GSG1L: variants seen among roughly 807,000 people sequenced by gnomAD.
The protein encoded by GSG1L is germ cell-specific gene 1-like protein.
Under a neutral mutation model 42.1 loss-of-function variants are expected in GSG1L, and 24 were observed. The observed-to-expected ratio is 0.57, with a 90% confidence interval of 0.41 to 0.80. The LOEUF (loss-of-function observed/expected upper bound fraction) is 0.80, where lower values mean the gene tolerates loss of function less well. Ranked by LOEUF, GSG1L falls within the 30% of genes least tolerant of loss-of-function variation. The pLI is 0.00. For missense variants in GSG1L, 445 were observed against 472.2 expected (o/e 0.94, Z 0.53); for synonymous variants, 215 against 203.5 (o/e 1.06, Z -0.48).
intron 3 of GSG1L, among the ~76,000 whole-genome samples, chr16:27,849,219 A>G (rs2083479956): frequency 1.4e-5 from 2 of 141,090 alleles, no homozygotes; most frequent in South Asian, 4.5e-4. Flanking sequence ...AAAAAAAAAA[A>G]AAAAGAGAAA....
intron 1 of GSG1L, among the ~76,000 whole-genome samples, chr16:28,030,756 A>AATGGG (rs111808934): frequency 0.12 from 11,867 of 95,764 alleles, 1,513 homozygotes; most frequent in African/African-American, 0.22. Context: ...GTTAGGATGG[A>AATGGG]ATGGGATGGG....
At chr16:27,934,158 G>C (rs1039164516) in intron 2 of GSG1L, among the ~76,000 whole-genome samples, 1 of 152,180 alleles carries the variant, frequency 6.6e-6, no homozygotes, top group Admixed American at 6.5e-5. Context: ...GCCACTCCCC[G>C]CCAACACTAC....
chr16:27,898,763 C>T (rs936502714), intron 2 of GSG1L, among the ~76,000 whole-genome samples: 35 of 151,594 alleles, frequency 2.3e-4, no homozygotes, highest in Non-Finnish European at 4.6e-4. Flanking sequence ...TCTCTTGGTA[C>T]ATGTGATATT....
At chr16:27,867,797 GC>G (rs142103199) in intron 3 of GSG1L, among the ~76,000 whole-genome samples, 15,144 of 140,388 alleles carry the variant, frequency 0.11, 771 homozygotes, top group African/African-American at 0.16. Context: ...CTGAGGCCAC[GC>G]CCCCTGAGGC....
At chr16:27,953,152 T>C (rs1343559809) in intron 2 of GSG1L, among the ~76,000 whole-genome samples, 2 of 152,220 alleles carry the variant, frequency 1.3e-5, no homozygotes, top group Non-Finnish European at 2.9e-5. Context: ...GATTGCAGCA[T>C]GATTACAGCT....
At chr16:27,966,596 C>A (rs1284681783) in intron 1 of GSG1L, among the ~76,000 whole-genome samples, 1 of 152,110 alleles carries the variant, frequency 6.6e-6, no homozygotes, top group Admixed American at 6.5e-5. Context: ...GCCACTGAAA[C>A]CTTATGTCTA....
intron 1 of GSG1L, among the ~76,000 whole-genome samples, chr16:27,990,296 CA>C (rs1465813135): frequency 6.6e-6 from 1 of 152,094 alleles, no homozygotes; most frequent in African/African-American, 2.4e-5. Context: ...AAAATGGAGA[CA>C]TTTACATTTC....
intron 1 of GSG1L, among the ~76,000 whole-genome samples, chr16:28,010,241 G>C (rs1233909744): frequency 6.6e-6 from 1 of 152,132 alleles, no homozygotes; most frequent in Non-Finnish European, 1.5e-5. Context: ...CTTTGAGAGG[G>C]ATTTGTCTCT....
chr16:27,960,149 G>A (rs1204668838), intron 2 of GSG1L, among the ~76,000 whole-genome samples: 4 of 152,144 alleles, frequency 2.6e-5, no homozygotes, highest in African/African-American at 9.7e-5. Context: ...CTGGAGGCAG[G>A]AAGGAAAGCA....
At chr16:27,966,943 T>G (rs1348945683) in intron 1 of GSG1L, among the ~76,000 whole-genome samples, 1 of 152,010 alleles carries the variant, frequency 6.6e-6, no homozygotes, top group Non-Finnish European at 1.5e-5. Flanking sequence ...ACCTGAAAGC[T>G]CTCTGGTTTG....
intron 1 of GSG1L, among the ~76,000 whole-genome samples, chr16:28,001,918 A>G (rs182040535): frequency 6.6e-6 from 1 of 152,318 alleles, no homozygotes; most frequent in East Asian, 1.9e-4. Flanking sequence ...GCCTATGTAT[A>G]GGCAAGAATG....
chr16:27,849,961 A>T (rs1596554511), intron 3 of GSG1L, among the ~76,000 whole-genome samples: 1 of 146,794 alleles, frequency 6.8e-6, no homozygotes, highest in Non-Finnish European at 1.5e-5. Context: ...GATGAAGAAG[A>T]TGAAGGGAGG....
intron 1 of GSG1L, among the ~76,000 whole-genome samples, chr16:28,041,115 C>T (rs1216586715): frequency 6.6e-6 from 1 of 152,150 alleles, no homozygotes; most frequent in African/African-American, 2.4e-5. Context: ...GACAAAGACC[C>T]AGTGTATCCT....
chr16:28,007,262 C>G (rs939923508), intron 1 of GSG1L, among the ~76,000 whole-genome samples: 3 of 151,798 alleles, frequency 2.0e-5, no homozygotes, highest in Non-Finnish European at 4.4e-5. Context: ...GCCAGAGAAT[C>G]AAAAAAAGAT....
At chr16:27,994,998 C>T (rs1347254487) in intron 1 of GSG1L, among the ~76,000 whole-genome samples, 1 of 152,102 alleles carries the variant, frequency 6.6e-6, no homozygotes, top group Non-Finnish European at 1.5e-5. Context: ...GGCTGGCTGC[C>T]CTGAAATTGG....
rs568379493 is a variant in GSG1L at position 27,908,038 on chromosome 16, C to T, written c.398-23400G>A. ...TATTCACCCTTCCTGTGTCTGTACC[C>T]TTTTAAAATACTCTCCCACTTCTGA... is the stretch of plus-strand genomic sequence containing the variant. On this transcript the variant is annotated intron_variant, in intron 2 of 6. Coordinates refer to ENST00000447459, the MANE Select transcript of GSG1L (RefSeq NM_001109763.2). Among the ~76,000 whole-genome samples the T allele has an allele frequency of 1.8e-4, 27 of 152,298 alleles. No individual in the cohort carries two copies. In the East Asian group the frequency reaches 4.8e-3, roughly 27 times the overall value.
chr16:27,861,628 C>T (rs1359447335), intron 3 of GSG1L, among the ~76,000 whole-genome samples: 9 of 152,154 alleles, frequency 5.9e-5, no homozygotes, highest in African/African-American at 1.7e-4. Context: ...TAGATTGAGC[C>T]ATGGCCATGG....
At chr16:27,925,467 A>ATT (rs2084580575) in intron 2 of GSG1L, among the ~76,000 whole-genome samples, 1 of 152,192 alleles carries the variant, frequency 6.6e-6, no homozygotes, top group African/African-American at 2.4e-5. Flanking sequence ...ACTGAGAAAG[A>ATT]GTCTTGACCC....
chr16:28,037,600 G>C (rs924900609), intron 1 of GSG1L, among the ~76,000 whole-genome samples: 9 of 152,036 alleles, frequency 5.9e-5, no homozygotes, highest in Non-Finnish European at 1.2e-4. Context: ...CTCTGGTTTG[G>C]GGAAACCACT....
Sources: allele counts gnomAD v4.1 joint callset (sites outside exome capture counted in the v4.1 genomes callset), GRCh38; gene constraint gnomAD v4.1.1; transcripts MANE v1.5; gene names NCBI Gene and HGNC (gene_info 2026-07-23, HGNC 2026-07-21).